The following DYNLRB1 variants were observed in gnomAD, a reference collection of about 807,000 sequenced individuals.
DYNLRB1 encodes dynein light chain roadblock-type 1.
Under a neutral mutation model 13.5 loss-of-function variants are expected in DYNLRB1, and 6 were observed. The observed-to-expected ratio is 0.44, with a 90% CI of 0.24 to 0.88. DYNLRB1 has a LOEUF of 0.88. Among genes scored for constraint, DYNLRB1 ranks in the 40% least tolerant of loss-of-function variants. The pLI is 0.21. For synonymous variants in DYNLRB1, 43 were observed against 45.0 expected, an observed-to-expected ratio of 0.96 and a Z score of 0.18; for missense variants, 93 against 127.2, an observed-to-expected ratio of 0.73 and a Z score of 1.29.
intron 1 of DYNLRB1, among the ~76,000 whole-genome samples, chr20:34,517,296 C>T (rs1243797442): frequency 6.6e-6 from 1 of 152,216 alleles, no homozygotes; most frequent in Admixed American, 6.5e-5. Flanking sequence ...GAGGCAACCA[C>T]TTACAGTAGT....
chr20:34,516,670 C>T, intron 1 of DYNLRB1: 4 of 1,476,878 alleles, frequency 2.7e-6, no homozygotes, highest in Non-Finnish European at 3.6e-6. Context: ...CCGGATCCCG[C>T]TGCCCCTTGA....
intron 2 of DYNLRB1, among the ~76,000 whole-genome samples, chr20:34,528,968 A>G (rs1324199704): frequency 1.3e-5 from 2 of 152,078 alleles, no homozygotes; most frequent in South Asian, 2.1e-4. Flanking sequence ...AGCACAGAGC[A>G]AGACCTTGTC....
At position 34,540,568 on chromosome 20, in the gene DYNLRB1, T is replaced by C; in HGVS notation, c.248-13T>C. 7 of 1,612,264 alleles carry C rather than the reference T, an allele frequency of 4.3e-6. No individual in the cohort carries two copies. The highest frequency in any genetic ancestry group is 5.9e-6 in the Non-Finnish European group (7 of 1,179,200). On this transcript the variant is annotated splice_polypyrimidine_tract_variant and intron_variant, in intron 3 of 3. Coordinates refer to ENST00000357156, the MANE Select transcript of DYNLRB1 (RefSeq NM_014183.4). ...TACATTTAGTGATTTTTTTTCATTT[T>C]TCTCTTTTGCAGATAAAGACTATTT...
At chr20:34,539,521 CTT>C (rs372506545) in intron 3 of DYNLRB1, among the ~76,000 whole-genome samples, 1 of 148,178 alleles carries the variant, frequency 6.7e-6, no homozygotes, top group Non-Finnish European at 1.5e-5. Context: ...CTGTACAAAA[CTT>C]TTTTTTTTTC....
intron 1 of DYNLRB1, among the ~76,000 whole-genome samples, chr20:34,518,742 C>G (rs935576122): frequency 3.3e-5 from 5 of 152,086 alleles, no homozygotes; most frequent in Admixed American, 6.5e-5. Flanking sequence ...GCGTGAGCCA[C>G]CACACCCAGC....
In DYNLRB1 at chr20:34,534,741, G is replaced by A. The variant is rs1197242332; in HGVS notation, c.193G>A (p.Asp65Asn). ...STVRDIDPQN[D>N]LTFLRIRSKK... Reference sequence around the variant, plus strand: ...CGTGCGTGACATCGACCCCCAGAACGATCTCACCTTCCTTCGAATTCGCTC... The same window carrying A: ...CGTGCGTGACATCGACCCCCAGAACAATCTCACCTTCCTTCGAATTCGCTC... The change falls in exon 3 of 4, where the codon GAT becomes AAT. Residue 65 changes from aspartate to asparagine, a missense_variant. Coordinates refer to ENST00000357156, the MANE Select transcript of DYNLRB1 (RefSeq NM_014183.4). 2.5e-6 allele frequency: 4 copies of A among 1,613,952 alleles called. No individual in the cohort carries two copies. The highest frequency in any genetic ancestry group is 3.4e-6 in the Non-Finnish European group (4 of 1,180,016).
intron 1 of DYNLRB1, among the ~76,000 whole-genome samples, chr20:34,520,438 C>T (rs888709449): frequency 5.3e-5 from 8 of 151,998 alleles, no homozygotes; most frequent in Non-Finnish European, 1.0e-4. Context: ...TGGGTTGCTC[C>T]CATTTCTTTT....
At chr20:34,536,355 C>G in intron 3 of DYNLRB1, 8 of 985,294 alleles carry the variant, frequency 8.1e-6, no homozygotes, top group South Asian at 4.7e-5. Flanking sequence ...GTGTGTTGAC[C>G]TGGGTTGGGG....
upstream of DYNLRB1, chr20:34,516,305 TG>T: frequency 8.0e-7 from 1 of 1,255,754 alleles, no homozygotes; most frequent in Non-Finnish European, 1.1e-6. Flanking sequence ...CCAAGAATCC[TG>T]GCGGAGCCAA....
chr20:34,516,491 C>T (rs777690789), intron 1 of DYNLRB1, 30 bp downstream of exon 1: 1 of 1,600,494 alleles, frequency 6.2e-7, no homozygotes, highest in East Asian at 2.2e-5. Flanking sequence ...TTGTGGCTGG[C>T]GGCCGCCCAC....
chr20:34,527,688 C>T (rs996216129), intron 2 of DYNLRB1, among the ~76,000 whole-genome samples: 3 of 152,146 alleles, frequency 2.0e-5, no homozygotes, highest in African/African-American at 4.8e-5. Flanking sequence ...ACGAAGCACC[C>T]CAGGAGATTC....
At chr20:34,537,778 T>C (rs1981267811) in intron 3 of DYNLRB1, among the ~76,000 whole-genome samples, 1 of 152,048 alleles carries the variant, frequency 6.6e-6, no homozygotes, top group Admixed American at 6.6e-5. Flanking sequence ...TTTGAGACTG[T>C]AGTTAGCACC....
At chr20:34,540,412 G>A (rs1022687804) in intron 3 of DYNLRB1, among the ~76,000 whole-genome samples, 169 bp from the exon 4 acceptor site, 24 of 152,158 alleles carry the variant, frequency 1.6e-4, no homozygotes, top group Non-Finnish European at 3.4e-4. Flanking sequence ...GAATCTTAAA[G>A]GTTTATCTTC....
upstream of DYNLRB1, among the ~76,000 whole-genome samples, chr20:34,516,016 T>C (rs1164070119): frequency 6.6e-6 from 1 of 152,134 alleles, no homozygotes; most frequent in Non-Finnish European, 1.5e-5. Context: ...CCTCAGCCTC[T>C]GGAGTAACTG....
At position 34,540,732 on chromosome 20, in the gene DYNLRB1, A is replaced by C. The variant is rs542318079; in HGVS notation, c.*108A>C. 8.6e-7 allele frequency: 1 copy of C among 1,165,370 alleles called. No homozygotes were observed. Among genetic ancestry groups the C allele is most frequent in the South Asian group, 1.3e-5 (1 of 74,182 alleles). 72.2% of individuals were successfully genotyped at this position (1,165,370 alleles called of 1,614,324 possible). A position where few individuals can be genotyped will look rare whatever the true frequency, so the allele number is the denominator to read the frequency against. On this transcript the variant is annotated 3_prime_UTR_variant, in exon 4 of 4. Transcript: ENST00000357156. ...CATGGCAGTCGCTTGGAACCCACTCACACCAATCCAGTGACCGTGTGTGGG... is the reference window on the plus strand; with the variant it reads ...CATGGCAGTCGCTTGGAACCCACTCCCACCAATCCAGTGACCGTGTGTGGG...
intron 3 of DYNLRB1, 75 bp downstream of exon 3, chr20:34,534,870 C>T: frequency 6.2e-7 from 1 of 1,606,424 alleles, no homozygotes; most frequent in Non-Finnish European, 8.5e-7. Context: ...GGAGTCCTGG[C>T]ACAGTGGTGT....
chr20:34,516,389 T>A, upstream of DYNLRB1: 4 of 1,597,260 alleles, frequency 2.5e-6, no homozygotes, highest in Non-Finnish European at 2.6e-6. Context: ...GACAGAAACC[T>A]TTGCGCAGGC....
intron 1 of DYNLRB1, among the ~76,000 whole-genome samples, chr20:34,522,385 TTATACC>T (rs147135322): frequency 0.017 from 2,619 of 152,132 alleles, 31 homozygotes; most frequent in Middle Eastern, 0.034. Context: ...AGTAGGGAAA[TTATACC>T]TATGTGTCCT....
intron 1 of DYNLRB1, chr20:34,516,729 G>A (rs372781476): frequency 1.9e-5 from 29 of 1,542,488 alleles, no homozygotes; most frequent in East Asian, 7.4e-5. Flanking sequence ...TGGGCGAGGG[G>A]TGGGCGGCGG....
Sources: gnomAD v4.1 joint callset for allele counts (sites outside exome capture counted in the v4.1 genomes callset) on GRCh38, gnomAD v4.1.1 for gene constraint, MANE v1.5 for transcripts, NCBI Gene and HGNC (gene_info 2026-07-23, HGNC 2026-07-21) for gene names.